Variants in SMARCAD1 observed in about 807,000 individuals in gnomAD.
SMARCAD1 encodes SWI/SNF-related matrix-associated actin-dependent regulator of chromatin subfamily A containing DEAD/H box 1.
SMARCAD1 carries 25 observed loss-of-function variants against 127.1 expected under a neutral mutation model. The ratio of observed to expected loss-of-function variants is 0.20; its 90% CI spans 0.14 to 0.27. The LOEUF (loss-of-function observed/expected upper bound fraction) is 0.27. Ranked by LOEUF, SMARCAD1 falls within the 10% of genes least tolerant of loss-of-function variation. The probability of loss-of-function intolerance (pLI) is 1.00; values close to 1 mark genes in which losing one functional copy is unlikely to be tolerated. For missense variants in SMARCAD1, 807 were observed against 1,206.0 expected (o/e 0.67, Z 4.90); for synonymous variants, 400 against 396.9 (o/e 1.01, Z -0.09).
At chr4:94,256,752 T>C (rs999308776) in intron 9 of SMARCAD1, among the ~76,000 whole-genome samples, 2 of 152,180 alleles carry the variant, frequency 1.3e-5, no homozygotes, top group Admixed American at 6.5e-5. Context: ...TCCTTCTGAA[T>C]AAGGTGGCAC....
intron 6 of SMARCAD1, among the ~76,000 whole-genome samples, chr4:94,244,867 C>T (rs1463093913): frequency 6.6e-6 from 1 of 152,120 alleles, no homozygotes; most frequent in Non-Finnish European, 1.5e-5. Context: ...CAAAAACCAC[C>T]TCTCTGATAA....
chr4:94,264,801 T>C lies in SMARCAD1; in HGVS notation c.1376T>C (p.Met459Thr). ...IQERDVVIRL[M>T]NKCEDISNKL... ...GAAAGAGATGTAGTTATAAGGCTTA[T>C]GAACAAATGTGAAGACATTTCAAAT... Residue 459 changes from methionine to threonine, a missense_variant, in exon 10 of 24, where the codon ATG (methionine) becomes ACG (threonine). Physicochemically the swap from Met to Thr is moderately conservative, Grantham distance 81. This residue lies in a region of SMARCAD1 where 257 missense variants were observed against 303.4 expected (regional missense o/e 0.85). Transcript: ENST00000354268. The C allele has an allele frequency of 1.2e-6, 2 of 1,613,066 alleles. No individual in the cohort carries two copies.
intron 21 of SMARCAD1, among the ~76,000 whole-genome samples, chr4:94,282,367 A>AATC (rs1754228366): frequency 1.3e-5 from 2 of 151,784 alleles, no homozygotes; most frequent in African/African-American, 4.8e-5. Flanking sequence ...AAGTGCTGGG[A>AATC]TTACAGGCGT....
chr4:94,233,237 A>T (rs117049546), intron 3 of SMARCAD1, among the ~76,000 whole-genome samples: 1 of 152,176 alleles, frequency 6.6e-6, no homozygotes, highest in Non-Finnish European at 1.5e-5. Context: ...TATAACTTAC[A>T]TTCATTTGTT....
chr4:94,254,551 T>C (rs1749766885), intron 9 of SMARCAD1, among the ~76,000 whole-genome samples: 1 of 152,162 alleles, frequency 6.6e-6, no homozygotes. Context: ...TTTCCCCTAC[T>C]AATTAATCAG....
intron 3 of SMARCAD1, among the ~76,000 whole-genome samples, chr4:94,226,534 CAG>C (rs1486583271): frequency 4.2e-5 from 5 of 118,792 alleles, no homozygotes; most frequent in Non-Finnish European, 5.0e-5. Context: ...TTTTTGATAA[CAG>C]TGATTTTGAG....
chr4:94,259,157 T>C (rs1750574191), intron 9 of SMARCAD1, among the ~76,000 whole-genome samples: 1 of 152,188 alleles, frequency 6.6e-6, no homozygotes, highest in Admixed American at 6.5e-5. Flanking sequence ...TGGAAAGTGT[T>C]GTTTCTTCCT....
At chr4:94,251,223 A>G (rs888529055) in intron 8 of SMARCAD1, among the ~76,000 whole-genome samples, 5 of 152,180 alleles carry the variant, frequency 3.3e-5, no homozygotes, top group African/African-American at 1.2e-4. Context: ...ACAGATATCA[A>G]AAGCACTAGC....
In SMARCAD1 at chr4:94,270,787, A is replaced by G. The variant is rs1379401348; in HGVS notation, c.1541A>G (p.His514Arg). 3.1e-6 allele frequency: 5 copies of G among 1,613,500 alleles called. No individual in the cohort carries two copies. Among genetic ancestry groups the G allele is most frequent in the Non-Finnish European group, 4.2e-6 (5 of 1,179,682 alleles). Residue 514 changes from histidine to arginine, a missense_variant, in exon 11 of 24, where the codon CAT (histidine) becomes CGT (arginine). This residue lies in a region of SMARCAD1 where 148 missense variants were observed against 313.2 expected (regional missense o/e 0.47). Transcript: ENST00000354268. ...AATTGGCTGGCATTGGTACATAAAC[A>G]TGGACTTAATGGCATTTTGGCAGAT... is the stretch of plus-strand genomic sequence containing the variant. ...GLNWLALVHK[H>R]GLNGILADEM... is the part of the protein sequence containing the mutation.
intron 2 of SMARCAD1, among the ~76,000 whole-genome samples, chr4:94,221,821 A>G (rs1483174116): frequency 1.3e-5 from 2 of 150,050 alleles, no homozygotes; most frequent in Middle Eastern, 3.4e-3. Flanking sequence ...TTAGGTCTAT[A>G]TGTACATGGA....
chr4:94,215,095 A>AT (rs972601105), intron 2 of SMARCAD1, among the ~76,000 whole-genome samples: 2 of 152,158 alleles, frequency 1.3e-5, no homozygotes, highest in African/African-American at 2.4e-5. Flanking sequence ...TGAATGTATC[A>AT]TTTTAGCTTC....
At chr4:94,269,008 A>T (rs1027846288) in intron 10 of SMARCAD1, among the ~76,000 whole-genome samples, 1 of 152,192 alleles carries the variant, frequency 6.6e-6, no homozygotes, top group Non-Finnish European at 1.5e-5. Context: ...AAAATTCAGC[A>T]AAAGAATTGT....
chr4:94,263,292 A>G (rs1305538297), intron 9 of SMARCAD1, among the ~76,000 whole-genome samples: 1 of 152,086 alleles, frequency 6.6e-6, no homozygotes, highest in Non-Finnish European at 1.5e-5. Context: ...TTTTGGTTGC[A>G]TTTAAAAATA....
At position 94,291,036 on chromosome 4, in the gene SMARCAD1, G is replaced by C. The variant is rs775163857; in HGVS notation, c.*1502G>C. Reference sequence around the variant, plus strand: ...TTACAGGGCTAAAAGGAGTCTTCATGTGTTAATACTACCTCCTTGTACATC... The same window carrying C: ...TTACAGGGCTAAAAGGAGTCTTCATCTGTTAATACTACCTCCTTGTACATC... On this transcript the variant is annotated 3_prime_UTR_variant, in exon 24 of 24. Coordinates refer to ENST00000354268, the MANE Select transcript of SMARCAD1 (RefSeq NM_020159.5). The C allele has an allele frequency of 2.3e-6, 1 of 439,072 alleles. No homozygotes were observed. Among genetic ancestry groups the C allele is most frequent in the Non-Finnish European group, 4.5e-6 (1 of 220,876 alleles). 27.2% of individuals were successfully genotyped at this position (439,072 alleles called of 1,614,324 possible).
At chr4:94,260,868 AAGG>A (rs1418761782) in intron 9 of SMARCAD1, among the ~76,000 whole-genome samples, 1 of 152,188 alleles carries the variant, frequency 6.6e-6, no homozygotes, top group African/African-American at 2.4e-5. Context: ...AAATAAGTAA[AAGG>A]AAGAAAATTT....
intron 6 of SMARCAD1, among the ~76,000 whole-genome samples, chr4:94,248,714 A>C (rs1045873174): frequency 6.6e-6 from 1 of 152,168 alleles, no homozygotes; most frequent in Non-Finnish European, 1.5e-5. Context: ...TATGAAACAC[A>C]TGCAATTTTC....
intron 19 of SMARCAD1, among the ~76,000 whole-genome samples, chr4:94,279,678 A>G (rs972414651): frequency 1.3e-5 from 2 of 152,212 alleles, no homozygotes; most frequent in East Asian, 1.9e-4. Flanking sequence ...AGCCTAAAAT[A>G]TGATCTGGCC....
Position 94,250,483 on chromosome 4 carries a change from T to A in SMARCAD1, c.808-269T>A, listed in dbSNP as rs147826928. Reference sequence around the variant, plus strand: ...TTTCATTTTTAATTGAGAAAACATTTCTTGATCCTCTAGTGTTCACAGTAC... The same window carrying A: ...TTTCATTTTTAATTGAGAAAACATTACTTGATCCTCTAGTGTTCACAGTAC... On this transcript the variant is annotated intron_variant, in intron 7 of 23. Transcript: ENST00000354268. 7.5e-3 allele frequency among the ~76,000 whole-genome samples: 1,143 copies of A among 152,210 alleles called. 7 individuals carry two copies. Among genetic ancestry groups the A allele is most frequent in the African/African-American group, 0.026 (1,067 of 41,572 alleles).
chr4:94,246,996 A>G (rs911045685), intron 6 of SMARCAD1, among the ~76,000 whole-genome samples: 1 of 152,228 alleles, frequency 6.6e-6, no homozygotes, highest in Admixed American at 6.5e-5. Flanking sequence ...TTGATTGTTT[A>G]TGATACTCTT....
Sources: allele counts gnomAD v4.1 joint callset (sites outside exome capture counted in the v4.1 genomes callset), GRCh38; gene constraint gnomAD v4.1.1; regional missense constraint gnomAD v4.1.1; transcripts MANE v1.5; gene names NCBI Gene and HGNC (gene_info 2026-07-23, HGNC 2026-07-21).